The following PKHD1L1 variants were observed in gnomAD, a reference collection of about 807,000 sequenced individuals.
PKHD1L1 encodes PKHD1 like 1.
PKHD1L1 carries 434 observed loss-of-function variants against 462.9 expected under a neutral mutation model. The observed-to-expected ratio is 0.94, with a 90% confidence interval of 0.87 to 1.02. The LOEUF (loss-of-function observed/expected upper bound fraction) is 1.02. Among genes scored for constraint, PKHD1L1 ranks in the 50% least tolerant of loss-of-function variants. The pLI is 0.00. For missense variants in PKHD1L1, 5,202 were observed against 5,096.1 expected, an observed-to-expected ratio of 1.02 and a Z score of -0.63; for synonymous variants, 1,781 against 1,750.0, an observed-to-expected ratio of 1.02 and a Z score of -0.44.
intron 58 of PKHD1L1, 47 bp downstream of exon 58, chr8:109,485,220 G>A: frequency 7.2e-7 from 1 of 1,396,598 alleles, no homozygotes; most frequent in Non-Finnish European, 9.7e-7. Context: ...TGTGTTGAAA[G>A]ATTCACATTT....
intron 17 of PKHD1L1, 135 bp downstream of exon 17, chr8:109,406,613 C>A (rs980022637): frequency 2.9e-6 from 3 of 1,032,000 alleles, no homozygotes; most frequent in Non-Finnish European, 4.0e-6. Context: ...GTTTTTTCTA[C>A]GGTAATTTAA....
In PKHD1L1 at chr8:109,481,437, G is replaced by A; in HGVS notation, c.9332G>A (p.Gly3111Asp). The change falls in exon 56 of 78, where the codon GGT becomes GAT. Residue 3111 changes from glycine to aspartate, a missense_variant. Gly to Asp is a moderately conservative substitution (Grantham distance 94). Transcript: ENST00000378402. ...LNATYISLQG[G>D]RLIGGWEDNP... ...CAATTTTCTGCTTCATTTCAGGGAG[G>A]TAGATTAATCGGTGGCTGGGAAGAT... 1 of 1,592,616 alleles carries A rather than the reference G, an allele frequency of 6.3e-7. No individual in the cohort carries two copies. Among genetic ancestry groups the A allele is most frequent in the South Asian group, 1.1e-5 (1 of 87,318 alleles).
Position 109,441,389 on chromosome 8 carries a change from A to T in PKHD1L1, c.4204+10A>T, listed in dbSNP as rs77665341. The T allele has an allele frequency of 7.7e-6, 11 of 1,422,644 alleles. No homozygotes were observed. Among genetic ancestry groups the T allele is most frequent in the Non-Finnish European group, 1.1e-5 (11 of 1,029,438 alleles). The allele number at this position is 1,422,644 out of a possible 1,614,324, so 88.1% of individuals were successfully genotyped here. ...AATGGGAAAGATTCAGGTATCAGCC[A>T]TTTATATACTATGAAATAATGGAAG... On this transcript the variant is annotated intron_variant, in intron 34 of 77. Transcript: ENST00000378402.
chr8:109,370,279 C>T (rs912697465), intron 2 of PKHD1L1, among the ~76,000 whole-genome samples: 3 of 151,866 alleles, frequency 2.0e-5, no homozygotes, highest in Non-Finnish European at 4.4e-5. Context: ...CTGCATCTGG[C>T]TATTTTTTAT....
Position 109,409,991 on chromosome 8 carries a change from T to A in PKHD1L1, c.2085+13T>A. On this transcript the variant is annotated intron_variant, in intron 19 of 77. Coordinates refer to ENST00000378402, the MANE Select transcript of PKHD1L1 (RefSeq NM_177531.6). ...TGATTTTAATCTGGTATGAAATATT[T>A]AATGAACTGTGAAACTGACCTAATA... 2 of 1,378,390 alleles carry A rather than the reference T, an allele frequency of 1.5e-6. No homozygotes were observed. Among genetic ancestry groups the A allele is most frequent in the Non-Finnish European group, 2.0e-6 (2 of 995,402 alleles). The allele number at this position is 1,378,390 out of a possible 1,614,324, so 85.4% of individuals were successfully genotyped here.
rs778227151 is a variant in PKHD1L1 at position 109,493,684 on chromosome 8, T to G, written c.10260T>G (p.Val3420=). ...AIEINRGTNT[V]LQNNVVAGFG... is the part of the protein sequence containing the mutation. ...AGATAAATAGAGGGACCAATACAGT[T>G]TTACAGAATAATGTAGTGGCTGGAT... The change falls in exon 63 of 78, where the codon GTT becomes GTG. Residue 3420 remains valine (V), a synonymous_variant. Coordinates refer to ENST00000378402, the MANE Select transcript of PKHD1L1 (RefSeq NM_177531.6). The G allele has an allele frequency of 1.1e-5, 18 of 1,608,172 alleles. No homozygotes were observed. The African/African-American group carries it at 2.4e-4, about 22-fold the overall frequency.
At chr8:109,394,121 C>T (rs1188562110) in intron 9 of PKHD1L1, among the ~76,000 whole-genome samples, 2 of 142,656 alleles carry the variant, frequency 1.4e-5, no homozygotes, top group Non-Finnish European at 3.0e-5. Context: ...TTGCAGTGAG[C>T]CAGGATTGCA....
chr8:109,414,999 TTATTATTATTA>T (rs1481125590), intron 21 of PKHD1L1, among the ~76,000 whole-genome samples: 52 of 128,678 alleles, frequency 4.0e-4, no homozygotes, highest in African/African-American at 1.2e-3. Flanking sequence ...ATTATTATTA[TTATTATTATTA>T]TTTTTGAGAC....
intron 50 of PKHD1L1, chr8:109,470,521 A>C: frequency 6.2e-7 from 1 of 1,610,940 alleles, no homozygotes; most frequent in South Asian, 1.1e-5. Flanking sequence ...AAGGGAAAAG[A>C]AGCAGGGATT....
chr8:109,364,070 GA>G (rs1315301797), intron 1 of PKHD1L1, among the ~76,000 whole-genome samples: 2 of 152,194 alleles, frequency 1.3e-5, no homozygotes, highest in Non-Finnish European at 2.9e-5. Context: ...CTCCCTCACA[GA>G]AAATAATTTC....
chr8:109,435,393 C>T, intron 29 of PKHD1L1, 39 bp downstream of exon 29: 1 of 1,583,086 alleles, frequency 6.3e-7, no homozygotes, highest in East Asian at 2.3e-5. Context: ...AAATTGCATG[C>T]ATTTCCATCA....
At chr8:109,419,029 C>A in intron 21 of PKHD1L1, 68 bp from the exon 22 acceptor site, 1 of 1,323,384 alleles carries the variant, frequency 7.6e-7, no homozygotes, top group Non-Finnish European at 1.0e-6. Context: ...AATTTTAATG[C>A]TTTCTAAAGT....
At chr8:109,504,747 T>C (rs1211166132) in intron 68 of PKHD1L1, among the ~76,000 whole-genome samples, 3 of 152,178 alleles carry the variant, frequency 2.0e-5, no homozygotes, top group African/African-American at 7.2e-5. Flanking sequence ...AACATCATCA[T>C]TGTTAAATAT....
intron 9 of PKHD1L1, among the ~76,000 whole-genome samples, chr8:109,392,886 A>G (rs1812779415): frequency 6.6e-6 from 1 of 152,112 alleles, no homozygotes; most frequent in South Asian, 2.1e-4. Context: ...CCCAAGTTCA[A>G]ACAACAGCTG....
chr8:109,494,806 C>A (rs1819008211), intron 63 of PKHD1L1, among the ~76,000 whole-genome samples: 1 of 151,610 alleles, frequency 6.6e-6, no homozygotes, highest in African/African-American at 2.4e-5. Flanking sequence ...TTTAAATAAC[C>A]TCTATATTTT....
intron 61 of PKHD1L1, among the ~76,000 whole-genome samples, chr8:109,491,350 A>G (rs1563604273): frequency 6.6e-6 from 1 of 151,880 alleles, no homozygotes. Context: ...TACTTAATAT[A>G]CATTTAAATA....
chr8:109,484,814 T>C (rs1379302460), intron 57 of PKHD1L1, among the ~76,000 whole-genome samples: 2 of 151,912 alleles, frequency 1.3e-5, no homozygotes, highest in Non-Finnish European at 1.5e-5. Context: ...TTTTACTAAA[T>C]GGCTGAATTA....
At chr8:109,391,779 G>T (rs1198821680) in intron 9 of PKHD1L1, among the ~76,000 whole-genome samples, 1 of 152,146 alleles carries the variant, frequency 6.6e-6, no homozygotes, top group Non-Finnish European at 1.5e-5. Context: ...CAGACTACAA[G>T]TGAAGGATGA....
intron 2 of PKHD1L1, among the ~76,000 whole-genome samples, chr8:109,367,851 T>A (rs1337054630): frequency 6.6e-6 from 1 of 152,246 alleles, no homozygotes; most frequent in African/African-American, 2.4e-5. Flanking sequence ...TGCAATGAGC[T>A]ATGATTGTAC....
Sources: allele counts gnomAD v4.1 joint callset (sites outside exome capture counted in the v4.1 genomes callset), GRCh38; gene constraint gnomAD v4.1.1; transcripts MANE v1.5; gene names NCBI Gene and HGNC (gene_info 2026-07-23, HGNC 2026-07-21).